ST8SIA1: variants seen among roughly 807,000 people sequenced by gnomAD.
ST8SIA1 encodes ST8 alpha-N-acetyl-neuraminide alpha-2,8-sialyltransferase 1.
In ST8SIA1, 16 loss-of-function variants were observed where a neutral mutation model predicts 35.9. That is an observed-to-expected ratio of 0.45 (90% CI 0.30 to 0.68). The LOEUF is 0.68. Among genes scored for constraint, ST8SIA1 ranks in the 30% least tolerant of loss-of-function variants. ST8SIA1 has a pLI of 0.09. For synonymous variants in ST8SIA1, 170 were observed against 169.6 expected (o/e 1.00, Z -0.02); for missense variants, 383 against 453.6 (o/e 0.84, Z 1.41).
chr12:22,263,157 T>C (rs1865810405), intron 2 of ST8SIA1, among the ~76,000 whole-genome samples: 1 of 152,172 alleles, frequency 6.6e-6, no homozygotes, highest in Admixed American at 6.5e-5. Context: ...TACTGGCCAA[T>C]TAAATATGTT....
At chr12:22,312,679 T>C (rs1866465182) in intron 1 of ST8SIA1, among the ~76,000 whole-genome samples, 1 of 151,340 alleles carries the variant, frequency 6.6e-6, no homozygotes, top group East Asian at 1.9e-4. Flanking sequence ...TGTTTGTATT[T>C]GGTGTGGCAA....
At chr12:22,329,923 C>T (rs1035829205) in intron 1 of ST8SIA1, among the ~76,000 whole-genome samples, 4 of 152,218 alleles carry the variant, frequency 2.6e-5, no homozygotes, top group African/African-American at 7.2e-5. Context: ...AGCTAACATG[C>T]AGCCAGTACC....
intron 1 of ST8SIA1, among the ~76,000 whole-genome samples, chr12:22,303,309 C>A (rs1866339646): frequency 6.7e-6 from 1 of 149,826 alleles, no homozygotes; most frequent in African/African-American, 2.5e-5. Context: ...GTTTATATTG[C>A]CATACAACTC....
At position 22,282,485 on chromosome 12, in the gene ST8SIA1, G is replaced by GA. The variant is rs552342585; in HGVS notation, c.381+4663dup. ...TTCCTGATTAATGATACATGAGCAG[G>GA]AATCTGTCCAGCTTTCCTCTTCTGT... On this transcript the variant is annotated intron_variant, in intron 2 of 4. Coordinates refer to ENST00000396037, the MANE Select transcript of ST8SIA1 (RefSeq NM_003034.4). Among the ~76,000 whole-genome samples the GA allele has an allele frequency of 3.1e-3, 471 of 152,282 alleles. 1 individual carries two copies. The highest frequency in any genetic ancestry group is 0.011 in the African/African-American group (437 of 41,556).
chr12:22,244,771 A>G (rs561218427), intron 4 of ST8SIA1, among the ~76,000 whole-genome samples: 7 of 152,272 alleles, frequency 4.6e-5, no homozygotes, highest in African/African-American at 1.7e-4. Flanking sequence ...TTAGGTCTTA[A>G]CCACCTGAAA....
Sources: gnomAD v4.1 joint callset for allele counts (sites outside exome capture counted in the v4.1 genomes callset) on GRCh38, gnomAD v4.1.1 for gene constraint, MANE v1.5 for transcripts, NCBI Gene and HGNC (gene_info 2026-07-23, HGNC 2026-07-21) for gene names.